Variants in DYRK1A observed in about 807,000 individuals in gnomAD.
The protein encoded by DYRK1A is dual specificity tyrosine-phosphorylation-regulated kinase 1A.
In DYRK1A, 9 loss-of-function variants were observed where a neutral mutation model predicts 79.7. That is an observed-to-expected ratio of 0.11 (90% CI 0.07 to 0.20). The LOEUF (loss-of-function observed/expected upper bound fraction) is 0.20. Among genes scored for constraint, DYRK1A ranks in the 10% least tolerant of loss-of-function variants. The pLI, the probability that DYRK1A is intolerant of heterozygous loss-of-function variation, is 1.00. For missense variants in DYRK1A, 622 were observed against 956.0 expected, an observed-to-expected ratio of 0.65 and a Z score of 4.61; for synonymous variants, 349 against 329.7, an observed-to-expected ratio of 1.06 and a Z score of -0.63.
At chr21:37,383,865 GTA>G (rs1428781833) in intron 1 of DYRK1A, among the ~76,000 whole-genome samples, 1 of 149,456 alleles carries the variant, frequency 6.7e-6, no homozygotes, top group East Asian at 1.9e-4. Flanking sequence ...GTGTGTAGTT[GTA>G]TCTTAGTGTA....
intron 4 of DYRK1A, 93 bp from the exon 5 acceptor site, chr21:37,480,545 T>G: frequency 1.0e-6 from 1 of 964,484 alleles, no homozygotes; most frequent in Non-Finnish European, 1.5e-6. Context: ...AAATGTCAAC[T>G]GTAGAAAATA....
intron 2 of DYRK1A, among the ~76,000 whole-genome samples, chr21:37,428,218 A>T (rs2050680849): frequency 6.6e-6 from 1 of 152,294 alleles, no homozygotes; most frequent in Middle Eastern, 3.4e-3. Flanking sequence ...TACATTTTCC[A>T]GTTTGCATTT....
At chr21:37,485,408 T>C (rs1249405269) in intron 5 of DYRK1A, among the ~76,000 whole-genome samples, 1 of 151,954 alleles carries the variant, frequency 6.6e-6, no homozygotes, top group Non-Finnish European at 1.5e-5. Context: ...AACCAGAGAT[T>C]AGTGCATTTT....
Position 37,513,653 on chromosome 21 carries a change from T to G in DYRK1A, c.*1122T>G, listed in dbSNP as rs1007568311. On this transcript the variant is annotated 3_prime_UTR_variant, in exon 12 of 12. Transcript: ENST00000647188. ...CCTTCCTGCTTTTTACTTTTTCTTT[T>G]GCTTTTTCTCGGCACGTGGTATCTC... 2.6e-5 allele frequency: 4 copies of G among 152,670 alleles called. No individual in the cohort carries two copies. Among genetic ancestry groups the G allele is most frequent in the African/African-American group, 9.6e-5 (4 of 41,462 alleles). The allele number at this position is 152,670 out of a possible 1,614,324, so 9.5% of individuals were successfully genotyped here. A position where few individuals can be genotyped will look rare whatever the true frequency, so the allele number is the denominator to read the frequency against.
At chr21:37,417,978 CTA>C (rs2050390326) in intron 1 of DYRK1A, among the ~76,000 whole-genome samples, 1 of 151,972 alleles carries the variant, frequency 6.6e-6, no homozygotes, top group Non-Finnish European at 1.5e-5. Context: ...AAAATATACT[CTA>C]TATTTTTCTC....
chr21:37,458,487 C>CT (rs2051733221), intron 2 of DYRK1A, among the ~76,000 whole-genome samples: 1 of 152,086 alleles, frequency 6.6e-6, no homozygotes, highest in Non-Finnish European at 1.5e-5. Context: ...CCTGGCAACT[C>CT]TGTGTGTAAC....
At chr21:37,369,138 G>C (rs1395973762) in intron 1 of DYRK1A, among the ~76,000 whole-genome samples, 1 of 152,116 alleles carries the variant, frequency 6.6e-6, no homozygotes, top group Non-Finnish European at 1.5e-5. Flanking sequence ...AATGCTTAAG[G>C]GTTCCTCTGT....
At chr21:37,367,975 C>T (rs576838683) in intron 1 of DYRK1A, 13 of 163,588 alleles carry the variant, frequency 7.9e-5, no homozygotes, top group South Asian at 5.2e-4. Context: ...TCCTCCTCAT[C>T]CTCTTCCCCC....
Position 37,478,325 on chromosome 21 carries a change from C to T in DYRK1A, c.300+25C>T, listed in dbSNP as rs150398172. On this transcript the variant is annotated intron_variant, in intron 4 of 11. Coordinates refer to ENST00000647188, the MANE Select transcript of DYRK1A (RefSeq NM_001347721.2). ...GGTAAGACTTGATTTGTTATAATAA[C>T]ATCTATCTTGCAGTATGTCATTGAG... The T allele has an allele frequency of 5.4e-5, 87 of 1,604,566 alleles. 1 individual carries two copies. In the African/African-American group the frequency reaches 9.4e-4, roughly 17 times the overall value.
intron 5 of DYRK1A, among the ~76,000 whole-genome samples, chr21:37,482,025 T>C (rs2052661024): frequency 6.6e-6 from 1 of 152,198 alleles, no homozygotes; most frequent in Non-Finnish European, 1.5e-5. Context: ...TAATCTGCAG[T>C]CCAAACTTTT....
chr21:37,487,204 TAA>T (rs2052902270), intron 6 of DYRK1A: 2 of 152,186 alleles, frequency 1.3e-5, no homozygotes, highest in African/African-American at 4.8e-5. Context: ...GTAGAATCCT[TAA>T]GTTATGGTTG....
At position 37,515,893 on chromosome 21, in the gene DYRK1A, A is replaced by AT. The variant is rs1210916977; in HGVS notation, c.*3364dup. On this transcript the variant is annotated 3_prime_UTR_variant, in exon 12 of 12. Coordinates refer to ENST00000647188, the MANE Select transcript of DYRK1A (RefSeq NM_001347721.2). ...GTAAAAAATCATGAAAGATTCAGTA[A>AT]TTATGTTAGGCTCACAAGTGACCAT... The AT allele has an allele frequency of 6.6e-6, 1 of 152,004 alleles. No individual in the cohort carries two copies. Among genetic ancestry groups the AT allele is most frequent in the African/African-American group, 2.4e-5 (1 of 41,410 alleles). 9.4% of individuals were successfully genotyped at this position (152,004 alleles called of 1,614,324 possible).
intron 2 of DYRK1A, among the ~76,000 whole-genome samples, chr21:37,427,922 T>C (rs992535083): frequency 1.1e-4 from 16 of 152,216 alleles, no homozygotes; most frequent in African/African-American, 3.6e-4. Context: ...TTTGTTGATA[T>C]TTCTTTGGGG....
At position 37,518,113 on chromosome 21, in the gene DYRK1A, C is replaced by G. The variant is rs2053899200; in HGVS notation, c.*5582C>G. 6.6e-6 allele frequency: 1 copy of G among 152,224 alleles called. No homozygotes were observed. Among genetic ancestry groups the G allele is most frequent in the Non-Finnish European group, 1.5e-5 (1 of 68,088 alleles). The allele number at this position is 152,224 out of a possible 1,614,324, so 9.4% of individuals were successfully genotyped here. A position where few individuals can be genotyped will look rare whatever the true frequency, so the allele number is the denominator to read the frequency against. On this transcript the variant is annotated 3_prime_UTR_variant, in exon 12 of 12. Coordinates refer to ENST00000647188, the MANE Select transcript of DYRK1A (RefSeq NM_001347721.2). ...CAGGCGCTCCTCAAACTGCTGGCCT[C>G]AAGTGATCCTCCAGCCTGGGCCTCT...
intron 1 of DYRK1A, among the ~76,000 whole-genome samples, chr21:37,370,582 C>G (rs774913978): frequency 2.0e-5 from 3 of 152,138 alleles, no homozygotes; most frequent in Non-Finnish European, 2.9e-5. Flanking sequence ...GTTTCCTGTA[C>G]ACACACAGGA....
At chr21:37,397,356 G>T (rs2049976173) in intron 1 of DYRK1A, among the ~76,000 whole-genome samples, 3 of 152,126 alleles carry the variant, frequency 2.0e-5, no homozygotes, top group Non-Finnish European at 4.4e-5. Context: ...AATTATTTGG[G>T]CAAGTTGTGC....
chr21:37,507,773 A>C (rs1601324249), intron 11 of DYRK1A, among the ~76,000 whole-genome samples: 1 of 143,944 alleles, frequency 6.9e-6, no homozygotes, highest in Admixed American at 7.2e-5. Flanking sequence ...TCCCTTCCCT[A>C]CTCCGCTTAA....
At chr21:37,502,971 C>T (rs902110548) in intron 9 of DYRK1A, 5 of 152,154 alleles carry the variant, frequency 3.3e-5, no homozygotes, top group South Asian at 4.1e-4. Flanking sequence ...TACACTGTTT[C>T]GGTAGAGAAG....
chr21:37,437,663 T>C (rs1439428879), intron 2 of DYRK1A, among the ~76,000 whole-genome samples: 2 of 152,198 alleles, frequency 1.3e-5, no homozygotes, highest in East Asian at 3.8e-4. Flanking sequence ...TTGAGAGTCA[T>C]ATGTGTTGTG....
Sources: gnomAD v4.1 joint callset for allele counts (sites outside exome capture counted in the v4.1 genomes callset) on GRCh38, gnomAD v4.1.1 for gene constraint, MANE v1.5 for transcripts, NCBI Gene and HGNC (gene_info 2026-07-23, HGNC 2026-07-21) for gene names.